The following TENM2 variants were observed in gnomAD, a reference collection of about 807,000 sequenced individuals.
TENM2 encodes the protein teneurin transmembrane protein 2.
A neutral mutation model predicts 245.2 loss-of-function variants in TENM2; 52 were observed. The ratio of observed to expected loss-of-function variants is 0.21; its 90% CI spans 0.17 to 0.27. TENM2 has a LOEUF of 0.27. Among genes scored for constraint, TENM2 ranks in the 10% least tolerant of loss-of-function variants. The probability of loss-of-function intolerance (pLI) is 1.00; values close to 1 mark genes in which losing one functional copy is unlikely to be tolerated. For synonymous variants in TENM2, 1,363 were observed against 1,438.9 expected (o/e 0.95, Z 1.19); for missense variants, 3,046 against 3,666.8 (o/e 0.83, Z 4.37).
chr5:167,191,239 A>G, the TENM2 span, among the ~76,000 whole-genome samples: 1 of 152,098 alleles, frequency 6.6e-6, no homozygotes, highest in South Asian at 2.1e-4. Flanking sequence ...TGTTACATAC[A>G]GCATATATGT....
chr5:168,085,080 A>C (rs562675002), intron 7 of TENM2, among the ~76,000 whole-genome samples: 1 of 152,328 alleles, frequency 6.6e-6, no homozygotes, highest in Non-Finnish European at 1.5e-5. Context: ...GCTCAATGGC[A>C]CTGGATCCAT....
chr5:168,032,498 T>C (rs1787232301), intron 5 of TENM2, among the ~76,000 whole-genome samples: 2 of 152,102 alleles, frequency 1.3e-5, no homozygotes, highest in South Asian at 4.2e-4. Context: ...TTAGGACTCT[T>C]AGATTTGAAT....
intron 2 of TENM2, among the ~76,000 whole-genome samples, chr5:167,382,343 A>C (rs768468555): frequency 6.6e-6 from 1 of 152,200 alleles, no homozygotes; most frequent in African/African-American, 2.4e-5. Context: ...AGAGACATGC[A>C]GTGATACACG....
chr5:167,685,188 G>A (rs1183397681), intron 2 of TENM2, among the ~76,000 whole-genome samples: 2 of 152,216 alleles, frequency 1.3e-5, no homozygotes, highest in Non-Finnish European at 2.9e-5. Context: ...TTTTTGAAAA[G>A]TGACTCAAAT....
intron 2 of TENM2, among the ~76,000 whole-genome samples, chr5:167,810,238 C>G (rs1020898624): frequency 6.6e-6 from 1 of 152,030 alleles, no homozygotes; most frequent in Non-Finnish European, 1.5e-5. Flanking sequence ...AAGAAGACTT[C>G]CTTTTTTTCC....
chr5:167,900,905 G>A (rs1345765305), intron 3 of TENM2, among the ~76,000 whole-genome samples: 1 of 152,004 alleles, frequency 6.6e-6, no homozygotes, highest in Non-Finnish European at 1.5e-5. Flanking sequence ...GTGGGAGATT[G>A]ACAGGACTGG....
chr5:167,284,979 G>T, exon 1 of TENM2: 1 of 1,551,974 alleles, frequency 6.4e-7, no homozygotes, highest in Non-Finnish European at 8.7e-7. Context: ...GACTCTGAAG[G>T]CCTATGACCA....
chr5:167,707,041 G>T (rs1329138545), intron 2 of TENM2, among the ~76,000 whole-genome samples: 1 of 148,040 alleles, frequency 6.8e-6, no homozygotes, highest in Non-Finnish European at 1.5e-5. Flanking sequence ...AAAAAAAAGG[G>T]TTGCCCTTTC....
At chr5:168,184,710 G>A (rs140255097) in intron 13 of TENM2, among the ~76,000 whole-genome samples, 25 of 152,350 alleles carry the variant, frequency 1.6e-4, no homozygotes, top group Admixed American at 1.3e-3. Context: ...AAAGGATCCA[G>A]ATGCTTATTG....
At chr5:167,751,471 T>C (rs571939796) in intron 2 of TENM2, among the ~76,000 whole-genome samples, 1 of 152,248 alleles carries the variant, frequency 6.6e-6, no homozygotes, top group South Asian at 2.1e-4. Flanking sequence ...GGAGTGGACA[T>C]GTGTACACAG....
At chr5:167,312,163 A>G (rs940003629) in intron 1 of TENM2, among the ~76,000 whole-genome samples, 2 of 152,236 alleles carry the variant, frequency 1.3e-5, no homozygotes, top group Admixed American at 1.3e-4. Flanking sequence ...TATATTATAT[A>G]AATCACATGT....
At position 168,118,539 on chromosome 5, in the gene TENM2, G is replaced by A. The variant is rs1283834860; in HGVS notation, c.2008+53G>A. 2.8e-6 allele frequency: 4 copies of A among 1,410,670 alleles called. 1 individual carries two copies. The highest frequency in any genetic ancestry group is 3.3e-5 in the South Asian group (2 of 60,524). 87.4% of individuals were successfully genotyped at this position (1,410,670 alleles called of 1,614,324 possible). ...AGCAGTGGAGGGAGGCGTTTGCAGG[G>A]CCTGACCTTTGCTAATGAGCCCAGT... On this transcript the variant is annotated intron_variant, in intron 10 of 28. Coordinates refer to ENST00000518659, the Ensembl canonical transcript of TENM2.
intron 7 of TENM2, among the ~76,000 whole-genome samples, chr5:168,079,668 T>G (rs1343717632): frequency 1.3e-5 from 2 of 152,362 alleles, no homozygotes; most frequent in African/African-American, 4.8e-5. Context: ...AAAGGCCTTT[T>G]CTGCATCTAT....
At chr5:167,570,765 C>A (rs1399159497) in intron 2 of TENM2, among the ~76,000 whole-genome samples, 1 of 152,104 alleles carries the variant, frequency 6.6e-6, no homozygotes, top group Non-Finnish European at 1.5e-5. Flanking sequence ...GTACACAAAT[C>A]AAGAAATGTC....
chr5:167,529,326 T>A (rs1771337514), intron 2 of TENM2, among the ~76,000 whole-genome samples: 1 of 152,216 alleles, frequency 6.6e-6, no homozygotes, highest in Non-Finnish European at 1.5e-5. Context: ...AAGTCCCTGT[T>A]GTAGTTTTCA....
At chr5:167,381,270 AATTTT>A (rs1298458645) in intron 2 of TENM2, among the ~76,000 whole-genome samples, 1 of 152,152 alleles carries the variant, frequency 6.6e-6, no homozygotes, top group East Asian at 1.9e-4. Flanking sequence ...CTTGTGATTT[AATTTT>A]GAGTATTATT....
intron 2 of TENM2, among the ~76,000 whole-genome samples, chr5:167,530,011 G>C (rs1035983168): frequency 6.6e-6 from 1 of 152,086 alleles, no homozygotes; most frequent in Admixed American, 6.6e-5. Context: ...GACCATTTTT[G>C]TGAGAAAAGT....
chr5:168,036,723 G>GTA (rs1323484969), intron 5 of TENM2, among the ~76,000 whole-genome samples: 9 of 139,090 alleles, frequency 6.5e-5, no homozygotes, highest in East Asian at 4.1e-4. Context: ...ATATGTATGT[G>GTA]TATATATATA....
At chr5:167,498,840 G>A (rs1424795227) in intron 2 of TENM2, among the ~76,000 whole-genome samples, 1 of 152,106 alleles carries the variant, frequency 6.6e-6, no homozygotes, top group African/African-American at 2.4e-5. Flanking sequence ...TGATGCGTGT[G>A]GGAGCGGATT....
Sources: gnomAD v4.1 joint callset for allele counts (sites outside exome capture counted in the v4.1 genomes callset) on GRCh38, gnomAD v4.1.1 for gene constraint, MANE v1.5 for transcripts, NCBI Gene and HGNC (gene_info 2026-07-23, HGNC 2026-07-21) for gene names.